Variants in DGKG observed in about 807,000 individuals in gnomAD.
The protein encoded by DGKG is DAG kinase gamma.
In DGKG, 78 loss-of-function variants were observed where a neutral mutation model predicts 105.3. That is an observed-to-expected ratio of 0.74 (90% CI 0.62 to 0.89). The LOEUF is 0.89. Ranked by LOEUF, DGKG falls within the 40% of genes least tolerant of loss-of-function variation. DGKG has a pLI of 0.00. For synonymous variants in DGKG, 346 were observed against 367.1 expected (o/e 0.94, Z 0.66); for missense variants, 958 against 1,020.1 (o/e 0.94, Z 0.83).
rs145672100 is a variant in DGKG, at chr3:186,279,636, T to C, written c.792+215A>G. 6.1e-4 allele frequency: 275 copies of C among 453,792 alleles called. 4 individuals carry two copies. Among genetic ancestry groups the C allele is most frequent in the African/African-American group, 5.2e-3 (256 of 49,264 alleles). The allele number at this position is 453,792 out of a possible 1,614,324, so 28.1% of individuals were successfully genotyped here. ...CCCTCACAGCATGCAGAACAGTATT[T>C]TTAAAGTAGTAATAATGTAGTAAAT... is the stretch of plus-strand genomic sequence containing the variant. On this transcript the variant is annotated intron_variant, in intron 9 of 24. Transcript: ENST00000265022.
chr3:186,322,749 A>C lies in DGKG; in HGVS notation c.-248-2042T>G, dbSNP rs138005312. 5.9e-5 allele frequency among the ~76,000 whole-genome samples: 9 copies of C among 152,214 alleles called. No homozygotes were observed. In the East Asian group the frequency reaches 1.7e-3, roughly 29 times the overall value. On this transcript the variant is annotated intron_variant, in intron 1 of 24. Coordinates refer to ENST00000265022, the MANE Select transcript of DGKG (RefSeq NM_001346.3). Reference sequence around the variant, plus strand: ...TGAATCTGAATATTCAGATATTCAGATGCCTTAATCCAGATCTGTATATCC... The same window carrying C: ...TGAATCTGAATATTCAGATATTCAGCTGCCTTAATCCAGATCTGTATATCC...
rs180729076 is a variant in DGKG, at chr3:186,158,888, T to C, written c.2277+2715A>G. 2.5e-4 allele frequency: 237 copies of C among 939,304 alleles called. No individual in the cohort carries two copies. The African/African-American group carries it at 4.1e-3, about 16-fold the overall frequency. The allele number at this position is 939,304 out of a possible 1,614,324, so 58.2% of individuals were successfully genotyped here. ...AAATGTGTTTACTTATTCTGCTTTATGCTTTAGGCACATGGAAAGGTTAGT... is the reference window on the plus strand; with the variant it reads ...AAATGTGTTTACTTATTCTGCTTTACGCTTTAGGCACATGGAAAGGTTAGT... On this transcript the variant is annotated intron_variant, in intron 24 of 24. Coordinates refer to ENST00000265022, the MANE Select transcript of DGKG (RefSeq NM_001346.3).
intron 20 of DGKG, among the ~76,000 whole-genome samples, chr3:186,220,905 C>T (rs1388831469): frequency 5.3e-5 from 8 of 152,196 alleles, no homozygotes; most frequent in Admixed American, 3.9e-4. Context: ...ATAGGATCTC[C>T]GAATTCTGTC....
At position 186,147,713 on chromosome 3, in the gene DGKG, A is replaced by T; in HGVS notation, c.*2377T>A. The T allele has an allele frequency of 5.1e-6, 5 of 985,414 alleles. No homozygotes were observed. The highest frequency in any genetic ancestry group is 6.0e-6 in the Non-Finnish European group (5 of 829,922). 61.0% of individuals were successfully genotyped at this position (985,414 alleles called of 1,614,324 possible). On this transcript the variant is annotated 3_prime_UTR_variant, in exon 25 of 25. Transcript: ENST00000265022. ...CTGAGAATCAATTTCACCTGTTGAT[A>T]GTGCCATGTCTCAATAGCCTCAATC...
chr3:186,185,254 T>C (rs1304706088), intron 22 of DGKG, among the ~76,000 whole-genome samples: 1 of 152,226 alleles, frequency 6.6e-6, no homozygotes, highest in Non-Finnish European at 1.5e-5. Context: ...TGCTGGCATC[T>C]CTGCAAAGCC....
At chr3:186,298,034 T>C in intron 4 of DGKG, 30 bp downstream of exon 4, 4 of 1,585,210 alleles carry the variant, frequency 2.5e-6, no homozygotes, top group Non-Finnish European at 3.4e-6. Flanking sequence ...CTGCGCAAGG[T>C]CTTCCCATCT....
intron 21 of DGKG, among the ~76,000 whole-genome samples, chr3:186,195,768 CA>C (rs756662296): frequency 2.0e-5 from 3 of 152,188 alleles, no homozygotes; most frequent in Non-Finnish European, 2.9e-5. Context: ...GTCTTTTAAA[CA>C]TAGTCTATCC....
intron 11 of DGKG, among the ~76,000 whole-genome samples, chr3:186,271,076 C>G (rs925107994): frequency 6.6e-6 from 1 of 152,176 alleles, no homozygotes; most frequent in African/African-American, 2.4e-5. Flanking sequence ...GTGCCTTTCT[C>G]TACCAGGAGT....
At chr3:186,209,757 TGTCC>T (rs1718935998) in intron 21 of DGKG, among the ~76,000 whole-genome samples, 1 of 152,078 alleles carries the variant, frequency 6.6e-6, no homozygotes. Context: ...TGCCTCGCCC[TGTCC>T]GTCTCTCTTA....
At chr3:186,161,219 A>AGTC in intron 24 of DGKG, 1 of 1,010,300 alleles carries the variant, frequency 9.9e-7, no homozygotes. Context: ...GTAAGGAAGC[A>AGTC]ATTTGACTTG....
chr3:186,304,006 T>C (rs975245627), intron 3 of DGKG, among the ~76,000 whole-genome samples: 4 of 152,090 alleles, frequency 2.6e-5, no homozygotes, highest in African/African-American at 9.7e-5. Flanking sequence ...GAAATCAGAG[T>C]GACAGAGCTC....
intron 1 of DGKG, among the ~76,000 whole-genome samples, chr3:186,321,978 G>C (rs1238495737): frequency 1.3e-5 from 2 of 152,142 alleles, no homozygotes; most frequent in East Asian, 1.9e-4. Flanking sequence ...CAGTGACCTA[G>C]CTGCCAAATC....
intron 12 of DGKG, 95 bp from the exon 13 acceptor site, chr3:186,267,872 G>C: frequency 9.0e-7 from 1 of 1,112,678 alleles, no homozygotes; most frequent in South Asian, 1.3e-5. Context: ...GAGCTGTCTA[G>C]TGCTCCCCCA....
rs187327442 is a variant in DGKG at position 186,242,360 on chromosome 3, T to C, written c.1826+144A>G. On this transcript the variant is annotated intron_variant, in intron 20 of 24. Coordinates refer to ENST00000265022, the MANE Select transcript of DGKG (RefSeq NM_001346.3). ...CTGACACTTTTTTTTTTCTTGGAAA[T>C]GGAAACCCTCCTTCCGGCAAGTGGC... The C allele has an allele frequency of 1.9e-5, 12 of 631,752 alleles. No individual in the cohort carries two copies. The African/African-American group carries it at 2.2e-4, about 12-fold the overall frequency. The allele number at this position is 631,752 out of a possible 1,614,324, so 39.1% of individuals were successfully genotyped here.
chr3:186,282,307 C>A (rs1396579429), intron 7 of DGKG, among the ~76,000 whole-genome samples: 1 of 152,170 alleles, frequency 6.6e-6, no homozygotes, highest in Non-Finnish European at 1.5e-5. Context: ...CCAGCAGTCA[C>A]CCCCAGCAGT....
chr3:186,285,907 G>A (rs529722647), intron 6 of DGKG, among the ~76,000 whole-genome samples: 50 of 152,194 alleles, frequency 3.3e-4, no homozygotes, highest in African/African-American at 1.2e-3. Context: ...TCAAACTCCC[G>A]ACCTCAGATG....
chr3:186,307,696 A>T (rs1399783252), intron 2 of DGKG, among the ~76,000 whole-genome samples: 5 of 152,248 alleles, frequency 3.3e-5, no homozygotes, highest in Non-Finnish European at 7.3e-5. Flanking sequence ...ACTAGGGCTC[A>T]GAAAAACAAT....
At chr3:186,183,139 GCTGATGCA>G (rs1717438243) in intron 22 of DGKG, among the ~76,000 whole-genome samples, 1 of 152,156 alleles carries the variant, frequency 6.6e-6, no homozygotes, top group South Asian at 2.1e-4. Flanking sequence ...TGAGTGCGTG[GCTGATGCA>G]AGACACACAG....
At chr3:186,250,796 C>T (rs1206226180) in intron 19 of DGKG, among the ~76,000 whole-genome samples, 1 of 151,894 alleles carries the variant, frequency 6.6e-6, no homozygotes, top group African/African-American at 2.4e-5. Flanking sequence ...GCAATCTGCC[C>T]GCCTCAGCCT....
Sources: allele counts gnomAD v4.1 joint callset (sites outside exome capture counted in the v4.1 genomes callset), GRCh38; gene constraint gnomAD v4.1.1; transcripts MANE v1.5; gene names NCBI Gene and HGNC (gene_info 2026-07-23, HGNC 2026-07-21).